ATG4C: variants seen among roughly 807,000 people sequenced by gnomAD.
ATG4C encodes cysteine protease ATG4C.
Under a neutral mutation model 57.6 loss-of-function variants are expected in ATG4C, and 56 were observed. The ratio of observed to expected loss-of-function variants is 0.97; its 90% CI spans 0.78 to 1.21. The LOEUF (loss-of-function observed/expected upper bound fraction) is 1.21, where lower values mean the gene tolerates loss of function less well. Among genes scored for constraint, ATG4C ranks in the 50% most tolerant of loss-of-function variants. ATG4C has a pLI of 0.00. For missense variants in ATG4C, 595 were observed against 529.8 expected (o/e 1.12, Z -1.21); for synonymous variants, 157 against 174.1 (o/e 0.90, Z 0.78).
intron 1 of ATG4C, among the ~76,000 whole-genome samples, chr1:62,796,197 A>T (rs1287288237): frequency 7.6e-4 from 68 of 89,864 alleles, no homozygotes; most frequent in Admixed American, 1.3e-3. Flanking sequence ...CGGTTTCCTC[A>T]TTTGTGTGGG....
chr1:62,785,115 A>G (rs1664040144), intron 1 of ATG4C: 1 of 152,160 alleles, frequency 6.6e-6, no homozygotes, highest in Non-Finnish European at 1.5e-5. Flanking sequence ...TGCTCGGACC[A>G]TATGTCCCCG....
intron 1 of ATG4C, among the ~76,000 whole-genome samples, chr1:62,794,042 G>C (rs1189933422): frequency 2.6e-5 from 4 of 151,600 alleles, no homozygotes; most frequent in African/African-American, 9.8e-5. Context: ...ACAACTGTGT[G>C]GTAAATATTA....
chr1:62,809,418 AAC>A (rs533995267), intron 3 of ATG4C, among the ~76,000 whole-genome samples: 32 of 148,034 alleles, frequency 2.2e-4, no homozygotes, highest in South Asian at 1.3e-3. Flanking sequence ...TGTGTATATA[AAC>A]ACACATATAT....
At chr1:62,803,250 G>A (rs1436799342) in intron 1 of ATG4C, among the ~76,000 whole-genome samples, 1 of 152,196 alleles carries the variant, frequency 6.6e-6, no homozygotes, top group African/African-American at 2.4e-5. Context: ...TAGACTTTAT[G>A]TGATGTGAAA....
At chr1:62,814,640 C>CAT (rs1665202848) in intron 3 of ATG4C, among the ~76,000 whole-genome samples, 1 of 152,090 alleles carries the variant, frequency 6.6e-6, no homozygotes, top group Admixed American at 6.6e-5. Flanking sequence ...CTTAAAGTTG[C>CAT]ATGGTATATC....
chr1:62,833,176 C>G (rs1223302511), intron 7 of ATG4C, among the ~76,000 whole-genome samples: 1 of 152,076 alleles, frequency 6.6e-6, no homozygotes, highest in Non-Finnish European at 1.5e-5. Flanking sequence ...AAAACATCCT[C>G]TCATTTAAGA....
intron 10 of ATG4C, among the ~76,000 whole-genome samples, chr1:62,853,664 G>A (rs912427009): frequency 1.3e-5 from 2 of 151,972 alleles, no homozygotes; most frequent in African/African-American, 4.8e-5. Flanking sequence ...CTGGCTGGTC[G>A]TGAACTCCTG....
intron 3 of ATG4C, among the ~76,000 whole-genome samples, chr1:62,812,139 A>G (rs958612902): frequency 2.6e-5 from 4 of 152,038 alleles, no homozygotes; most frequent in African/African-American, 9.7e-5. Context: ...TCTGATATTA[A>G]TATAGCCACT....
chr1:62,812,275 G>A (rs1231311923), intron 3 of ATG4C, among the ~76,000 whole-genome samples: 7 of 152,154 alleles, frequency 4.6e-5, no homozygotes, highest in Admixed American at 2.0e-4. Flanking sequence ...TATGCACCAC[G>A]ATCACGTCGG....
At chr1:62,849,425 T>C (rs561645476) in intron 10 of ATG4C, among the ~76,000 whole-genome samples, 48 of 152,212 alleles carry the variant, frequency 3.2e-4, no homozygotes, top group Non-Finnish European at 6.6e-4. Flanking sequence ...TTAATAGACT[T>C]TGCCTCTCTA....
intron 1 of ATG4C, among the ~76,000 whole-genome samples, chr1:62,797,574 C>G (rs1664515341): frequency 6.6e-6 from 1 of 151,858 alleles, no homozygotes; most frequent in Non-Finnish European, 1.5e-5. Flanking sequence ...TGTTTATGGC[C>G]TTTTTCTTTT....
chr1:62,805,344 T>C (rs2100298131), intron 3 of ATG4C, 89 bp downstream of exon 3: 2 of 1,351,042 alleles, frequency 1.5e-6, no homozygotes, highest in Non-Finnish European at 1.9e-6. Context: ...TAATCTACTT[T>C]TGCAGTATTT....
intron 7 of ATG4C, among the ~76,000 whole-genome samples, chr1:62,833,670 C>T (rs1304681019): frequency 1.3e-5 from 2 of 152,046 alleles, no homozygotes; most frequent in Admixed American, 6.6e-5. Flanking sequence ...AAAAGCCTGA[C>T]GAAAATTTTA....
chr1:62,811,875 T>C (rs556271038), intron 3 of ATG4C, among the ~76,000 whole-genome samples: 1 of 152,312 alleles, frequency 6.6e-6, no homozygotes, highest in East Asian at 1.9e-4. Flanking sequence ...AACATCCTTT[T>C]GTTCAACTTC....
chr1:62,857,194 G>A lies in ATG4C; in HGVS notation c.1210-6798G>A, dbSNP rs185432476. Among the ~76,000 whole-genome samples, 54 of 152,192 alleles carry A rather than the reference G, an allele frequency of 3.5e-4. No homozygotes were observed. In the East Asian group the frequency reaches 8.3e-3, roughly 24 times the overall value. On this transcript the variant is annotated intron_variant, in intron 10 of 10. Coordinates refer to ENST00000317868, the MANE Select transcript of ATG4C (RefSeq NM_032852.4). Reference sequence around the variant, plus strand: ...AGGCTGCAAGCAGAAGGTGAGCGGCGGGTTAGCGAGCGAAGCTTCCTCTGT... The same window carrying A: ...AGGCTGCAAGCAGAAGGTGAGCGGCAGGTTAGCGAGCGAAGCTTCCTCTGT...
intron 3 of ATG4C, 58 bp downstream of exon 3, chr1:62,805,313 TTTA>T (rs1664841523): frequency 2.0e-5 from 29 of 1,418,606 alleles, no homozygotes; most frequent in East Asian, 2.9e-5. Flanking sequence ...CATGTAACTT[TTTA>T]TTATTTTATT....
intron 10 of ATG4C, among the ~76,000 whole-genome samples, chr1:62,847,871 A>G (rs1373899123): frequency 6.6e-6 from 1 of 152,166 alleles, no homozygotes; most frequent in Non-Finnish European, 1.5e-5. Flanking sequence ...AGTATGATGA[A>G]GTCAGGTTTA....
At chr1:62,833,936 G>T in intron 7 of ATG4C, 102 bp from the exon 8 acceptor site, 1 of 917,288 alleles carries the variant, frequency 1.1e-6, no homozygotes. Context: ...ATAACTGGTA[G>T]TGGTAAATTT....
chr1:62,834,249 G>A (rs915198290), intron 8 of ATG4C, 133 bp downstream of exon 8: 8 of 664,672 alleles, frequency 1.2e-5, no homozygotes, highest in Admixed American at 6.7e-5. Flanking sequence ...TCCTACTATA[G>A]CCACTCATTT....
Sources: allele counts gnomAD v4.1 joint callset (sites outside exome capture counted in the v4.1 genomes callset), GRCh38; gene constraint gnomAD v4.1.1; transcripts MANE v1.5; gene names NCBI Gene and HGNC (gene_info 2026-07-23, HGNC 2026-07-21).